Variants in LGALS3BP observed in about 807,000 individuals in gnomAD.
LGALS3BP encodes the protein galectin-3-binding protein.
LGALS3BP carries 25 observed loss-of-function variants against 22.9 expected under a neutral mutation model. The ratio of observed to expected loss-of-function variants is 1.09; its 90% CI spans 0.80 to 1.53. LGALS3BP has a LOEUF of 1.53. LGALS3BP is among the 40% of genes most tolerant of loss of function. The pLI is 0.00. For synonymous variants in LGALS3BP, 335 were observed against 331.1 expected (o/e 1.01, Z -0.13); for missense variants, 718 against 752.0 (o/e 0.95, Z 0.53).
intron 2 of LGALS3BP, 70 bp downstream of exon 2, chr17:78,977,070 T>G: frequency 6.5e-7 from 1 of 1,539,626 alleles, no homozygotes; most frequent in Non-Finnish European, 9.0e-7. Context: ...TCCTTGAAGC[T>G]CTGAGCAGCC....
chr17:78,977,273 G>C, intron 1 of LGALS3BP, 59 bp from the exon 2 acceptor site: 1 of 1,420,360 alleles, frequency 7.0e-7, no homozygotes, highest in Non-Finnish European at 9.7e-7. Flanking sequence ...GAGGCCCCAG[G>C]GACTGGCCTG....
chr17:78,976,963 G>A lies in LGALS3BP; in HGVS notation c.52+177C>T, dbSNP rs558584917. ...CTCACCTGAACCCAGGTGAGCCCCCGGGAACCTCCAAGTCATCATCACTGG... is the reference window on the plus strand; with the variant it reads ...CTCACCTGAACCCAGGTGAGCCCCCAGGAACCTCCAAGTCATCATCACTGG... On this transcript the variant is annotated intron_variant, in intron 2 of 5. Coordinates refer to ENST00000262776, the MANE Select transcript of LGALS3BP (RefSeq NM_005567.4). This position sits in a 1 kb window ranked among gnomAD's most constrained non-coding sequence, Gnocchi z 4.6. 4.7e-5 allele frequency: 31 copies of A among 656,412 alleles called. No individual in the cohort carries two copies. The highest frequency in any genetic ancestry group is 2.6e-4 in the Middle Eastern group (1 of 3,822). 40.7% of individuals were successfully genotyped at this position (656,412 alleles called of 1,614,324 possible).
intron 4 of LGALS3BP, 74 bp downstream of exon 4, chr17:78,974,614 G>A (rs2070702784): frequency 6.6e-7 from 1 of 1,524,604 alleles, no homozygotes; most frequent in South Asian, 1.2e-5. Flanking sequence ...TGGGGGGGTG[G>A]TGCTGGGAGG....
In LGALS3BP at chr17:78,972,116, G is replaced by A. The variant is rs149187523; in HGVS notation, c.1218C>T (p.Pro406=). ...GLNLTEDTYK[P]RIYTSPTWSA... The stretch of plus-strand genomic sequence containing the variant: ...TCCAGGTGGGCGAGGTGTAAATCCG[G>A]GGCTTGTAGGTATCCTCGGTGAGGT... The change falls in exon 6 of 6, where the codon CCC becomes CCT. Residue 406 remains proline, a synonymous_variant. Transcript: ENST00000262776. This position sits in a 1 kb window ranked among gnomAD's most constrained non-coding sequence, Gnocchi z 5.1. The A allele has an allele frequency of 1.9e-6, 3 of 1,613,128 alleles. No individual in the cohort carries two copies. The highest frequency in any genetic ancestry group is 2.5e-6 in the Non-Finnish European group (3 of 1,179,360).
Position 78,971,793 on chromosome 17 carries a change from C to T in LGALS3BP, c.1541G>A (p.Arg514His), listed in dbSNP as rs750053095. The T allele has an allele frequency of 6.8e-6, 11 of 1,614,044 alleles. No individual in the cohort carries two copies. In the Admixed American group the frequency reaches 1.3e-4, roughly 20 times the overall value. ...GGCTTTGTTTTCGTAGGCAATGGTGCGATCTGAGCCGCCAGACTTGGTGAG... is the reference window on the plus strand; with the variant it reads ...GGCTTTGTTTTCGTAGGCAATGGTGTGATCTGAGCCGCCAGACTTGGTGAG... The part of the protein sequence containing the change: ...LGLTKSGGSD[R>H]TIAYENKALM... Residue 514 changes from arginine (R) to histidine (H), a missense_variant, in exon 6 of 6, where the codon CGC becomes CAC. Transcript: ENST00000262776. The surrounding 1 kb of genome is among the most constrained non-coding windows in gnomAD (Gnocchi z 5.6).
rs545277741 is a variant in LGALS3BP at position 78,972,856 on chromosome 17, G to A, written c.629+114C>T. ...CGTGAGTGCATGTGTGACTGCGTGT[G>A]TACATGTGCATGCATGAGTATGTGC... On this transcript the variant is annotated intron_variant, in intron 5 of 5. Transcript: ENST00000262776. The surrounding 1 kb of genome is among the most constrained non-coding windows in gnomAD (Gnocchi z 5.1). The A allele has an allele frequency of 4.8e-6, 7 of 1,446,360 alleles. No individual in the cohort carries two copies. In the East Asian group the frequency reaches 1.4e-4, roughly 29 times the overall value. 89.6% of individuals were successfully genotyped at this position (1,446,360 alleles called of 1,614,324 possible). A position where few individuals can be genotyped will look rare whatever the true frequency, so the allele number is the denominator to read the frequency against.
At position 78,974,797 on chromosome 17, in the gene LGALS3BP, A is replaced by G. The variant is rs3744166; in HGVS notation, c.267T>C (p.Asp89=). Residue 89 remains aspartate, a synonymous_variant, in exon 4 of 6, where the codon GAT becomes GAC. Coordinates refer to ENST00000262776, the MANE Select transcript of LGALS3BP (RefSeq NM_005567.4). ...FGQGSGPIML[D]EVQCTGTEAS... is the part of the protein sequence containing the mutation. Reference sequence around the variant, plus strand: ...CCTCGGTTCCCGTGCACTGGACCTCATCCAGCATGATGGGGCCTGATCCTG... The same window carrying G: ...CCTCGGTTCCCGTGCACTGGACCTCGTCCAGCATGATGGGGCCTGATCCTG... The G allele has an allele frequency of 0.97, 1,572,907 of 1,613,800 alleles. 767,722 individuals are homozygous for G. The highest frequency in any genetic ancestry group is 0.99 in the African/African-American group (74,561 of 75,066).
intron 3 of LGALS3BP, 62 bp from the exon 4 acceptor site, chr17:78,974,881 G>T (rs988787036): frequency 2.5e-6 from 4 of 1,590,502 alleles, no homozygotes; most frequent in South Asian, 1.1e-5. Flanking sequence ...GTCCCACAGC[G>T]CGACTCAGCC....
chr17:78,977,183 A>C lies in LGALS3BP; in HGVS notation c.9T>G (p.Pro3=). The change falls in exon 2 of 6, where the codon CCT becomes CCG. Residue 3 remains proline (P), a synonymous_variant. Coordinates refer to ENST00000262776, the MANE Select transcript of LGALS3BP (RefSeq NM_005567.4). ...GCAGCCACACCCAGAAGAGCCTCGG[A>C]GGGGTCATGGCCGTGCCTGGATGCC... MT[P]PRLFWVWLLV... 1 of 1,613,198 alleles carries C rather than the reference A, an allele frequency of 6.2e-7. No individual in the cohort carries two copies. Among genetic ancestry groups the C allele is most frequent in the Non-Finnish European group, 8.5e-7 (1 of 1,179,970 alleles).
At position 78,972,072 on chromosome 17, in the gene LGALS3BP, CTG is replaced by C. The variant is rs2070676646; in HGVS notation, c.1260_1261del (p.Asp420GlufsTer25). ...TTGTGACTTCCGTGCACTCCAGGAA[CTG>C]TCTGTCACAAAGGCACTCCAGGTGG... On this transcript the variant is annotated frameshift_variant, in exon 6 of 6. Coordinates refer to ENST00000262776, the MANE Select transcript of LGALS3BP (RefSeq NM_005567.4). LOFTEE classifies it low-confidence loss of function (END_TRUNC). The surrounding 1 kb of genome is among the most constrained non-coding windows in gnomAD (Gnocchi z 5.1). 6.2e-7 allele frequency: 1 copy of C among 1,613,762 alleles called. No homozygotes were observed. The highest frequency in any genetic ancestry group is 8.5e-7 in the Non-Finnish European group (1 of 1,179,858).
chr17:78,971,743 C>T lies in LGALS3BP; in HGVS notation c.1591G>A (p.Val531Met), dbSNP rs375486187. 6.2e-6 allele frequency: 10 copies of T among 1,613,974 alleles called. No homozygotes were observed. Among genetic ancestry groups the T allele is most frequent in the South Asian group, 5.5e-5 (5 of 91,088 alleles). The change falls in exon 6 of 6, where the codon GTG (valine) becomes ATG (methionine). Residue 531 changes from valine to methionine, a missense_variant. Coordinates refer to ENST00000262776, the MANE Select transcript of LGALS3BP (RefSeq NM_005567.4). The surrounding 1 kb of genome is among the most constrained non-coding windows in gnomAD (Gnocchi z 5.6). ...CCCTCGAAATCGGTGACGTCTGCCA[C>T]GAAGAGCCCTTCGCAGAGCATCAGG... ...KALMLCEGLFVADVTDFEGWK... is the reference protein window; with the variant it reads ...KALMLCEGLFMADVTDFEGWK...
rs1042406061 is a variant in LGALS3BP at position 78,973,434 on chromosome 17, T to C, written c.377-212A>G. 1.3e-5 allele frequency: 8 copies of C among 597,682 alleles called. No individual in the cohort carries two copies. Among genetic ancestry groups the C allele is most frequent in the Non-Finnish European group, 2.0e-5 (7 of 350,258 alleles). The allele number at this position is 597,682 out of a possible 1,614,324, so 37.0% of individuals were successfully genotyped here. A position where few individuals can be genotyped will look rare whatever the true frequency, so the allele number is the denominator to read the frequency against. On this transcript the variant is annotated intron_variant, in intron 4 of 5. Transcript: ENST00000262776. The surrounding 1 kb of genome is among the most constrained non-coding windows in gnomAD (Gnocchi z 5.8). ...TCCAGCCCTGGGGAACAAGAGCAGC[T>C]AGGACCTGGCCAAGCCTGTCCAGGC...
In LGALS3BP at chr17:78,974,776, G is replaced by A. The variant is rs745999350; in HGVS notation, c.288C>T (p.Thr96=). 1.7e-5 allele frequency: 27 copies of A among 1,613,706 alleles called. No homozygotes were observed. The highest frequency in any genetic ancestry group is 6.6e-5 in the South Asian group (6 of 91,078). Residue 96 remains threonine (T), a synonymous_variant, in exon 4 of 6, where the codon ACC becomes ACT. Coordinates refer to ENST00000262776, the MANE Select transcript of LGALS3BP (RefSeq NM_005567.4). ...IMLDEVQCTG[T]EASLADCKSL... is the part of the protein sequence containing the mutation. ...ACTTGCAGTCGGCCAGTGAGGCCTC[G>A]GTTCCCGTGCACTGGACCTCATCCA...
At chr17:78,977,357 CAGTA>C in intron 1 of LGALS3BP, 143 bp from the exon 2 acceptor site, 21 of 653,498 alleles carry the variant, frequency 3.2e-5, no homozygotes, top group Non-Finnish European at 5.5e-5. Context: ...ACTATGATCC[CAGTA>C]AGTGTGACGT....
rs1418021762 is a variant in LGALS3BP at position 78,973,531 on chromosome 17, T to TA, written c.377-310dup. Among the ~76,000 whole-genome samples, 1 of 152,084 alleles carries TA rather than the reference T, an allele frequency of 6.6e-6. No homozygotes were observed. Among genetic ancestry groups the TA allele is most frequent in the African/African-American group, 2.4e-5 (1 of 41,410 alleles). ...GCAGCTCCGCATGGAGACTTGGTGG[T>TA]ACTGACTCCGGAGCCCCCACTCCCC... On this transcript the variant is annotated intron_variant, in intron 4 of 5. Transcript: ENST00000262776. The surrounding 1 kb of genome is among the most constrained non-coding windows in gnomAD (Gnocchi z 5.8).
In LGALS3BP at chr17:78,973,706, G is replaced by A. The variant is rs57953491; in HGVS notation, c.377-484C>T. 0.015 allele frequency among the ~76,000 whole-genome samples: 2,323 copies of A among 152,304 alleles called. 50 individuals carry two copies. Among genetic ancestry groups the A allele is most frequent in the African/African-American group, 0.052 (2,162 of 41,552 alleles). On this transcript the variant is annotated intron_variant, in intron 4 of 5. Transcript: ENST00000262776. The surrounding 1 kb of genome is among the most constrained non-coding windows in gnomAD (Gnocchi z 5.8). ...AGAAGGCCTGCAGAAGTCATGGGAGGCTCCCGGCTCGGGGGTCAGTGTGGT... is the reference window on the plus strand; with the variant it reads ...AGAAGGCCTGCAGAAGTCATGGGAGACTCCCGGCTCGGGGGTCAGTGTGGT...
intron 1 of LGALS3BP, chr17:78,977,556 A>G: frequency 3.6e-6 from 1 of 280,046 alleles, no homozygotes; most frequent in Non-Finnish European, 6.9e-6. Context: ...AGGCTGCCAC[A>G]CGGGCATGGG....
rs778523787 is a variant in LGALS3BP, at chr17:78,971,715, C to T, written c.1619G>A (p.Trp540Ter). ...CAGGGCACTGGGAATCGCAGCCTTC[C>T]AGCCCTCGAAATCGGTGACGTCTGC... ...FVADVTDFEGWKAAIPSALDT... is the reference protein window; with the variant it reads ...FVADVTDFEG The change falls in exon 6 of 6, where the codon TGG (tryptophan) becomes TAG (stop). Residue 540 changes from tryptophan to a stop codon, truncating the protein, a stop_gained. Coordinates refer to ENST00000262776, the MANE Select transcript of LGALS3BP (RefSeq NM_005567.4). LOFTEE classifies it low-confidence loss of function (END_TRUNC). This position sits in a 1 kb window ranked among gnomAD's most constrained non-coding sequence, Gnocchi z 5.6. 3.7e-6 allele frequency: 6 copies of T among 1,613,902 alleles called. No individual in the cohort carries two copies. In the South Asian group the frequency reaches 4.4e-5, roughly 12 times the overall value.
In LGALS3BP at chr17:78,976,136, G is replaced by A. The variant is rs763779137; in HGVS notation, c.73C>T (p.Arg25Trp). ...GTQGVNDGDM[R>W]LADGGATNQG... ...TTGGTGGCGCCCCCATCGGCCAGCC[G>A]CATGTCACCATCGTTCACGCCTGCA... Residue 25 changes from arginine (R) to tryptophan (W), a missense_variant, in exon 3 of 6, where the codon CGG (arginine) becomes TGG (tryptophan). By Grantham distance (101) the Arg-to-Trp change is moderately radical (BLOSUM62 -3). Transcript: ENST00000262776. The surrounding 1 kb of genome is among the most constrained non-coding windows in gnomAD (Gnocchi z 4.6). 3.7e-5 allele frequency: 58 copies of A among 1,586,588 alleles called. No homozygotes were observed. Among genetic ancestry groups the A allele is most frequent in the East Asian group, 2.3e-5 (1 of 43,290 alleles).
Sources: gnomAD v4.1 joint callset for allele counts (sites outside exome capture counted in the v4.1 genomes callset) on GRCh38, gnomAD v4.1.1 for gene constraint, Gnocchi (gnomAD v3.1) non-coding constraint, MANE v1.5 for transcripts, NCBI Gene and HGNC (gene_info 2026-07-23, HGNC 2026-07-21) for gene names.